Variants in GALNT16 observed in about 807,000 individuals in gnomAD.
GALNT16 encodes polypeptide N-acetylgalactosaminyltransferase 16.
GALNT16 carries 40 observed loss-of-function variants against 76.1 expected under a neutral mutation model. The observed-to-expected ratio is 0.53, with a 90% CI of 0.41 to 0.68. GALNT16 has a LOEUF of 0.68. Among genes scored for constraint, GALNT16 ranks in the 30% least tolerant of loss-of-function variants. GALNT16 has a pLI of 0.00. For synonymous variants in GALNT16, 276 were observed against 285.2 expected (o/e 0.97, Z 0.32); for missense variants, 621 against 731.9 (o/e 0.85, Z 1.75).
chr14:69,348,131 G>C, intron 14 of GALNT16, 129 bp downstream of exon 14: 1 of 887,406 alleles, frequency 1.1e-6, no homozygotes, highest in Non-Finnish European at 1.8e-6. Context: ...TGTGGGGAGG[G>C]GGAGCAAAGT....
intron 1 of GALNT16, among the ~76,000 whole-genome samples, chr14:69,280,435 A>G (rs371572386): frequency 5.3e-5 from 8 of 152,258 alleles, no homozygotes; most frequent in African/African-American, 1.9e-4. Context: ...TTGTTTATCC[A>G]TTCATCCATC....
intron 12 of GALNT16, among the ~76,000 whole-genome samples, chr14:69,345,777 G>A (rs1409536618): frequency 6.8e-6 from 1 of 145,998 alleles, no homozygotes; most frequent in African/African-American, 2.5e-5. Flanking sequence ...GGCATATAAA[G>A]TGTTTTAATA....
At chr14:69,303,863 TCAG>T (rs2044889786) in intron 1 of GALNT16, among the ~76,000 whole-genome samples, 1 of 152,186 alleles carries the variant, frequency 6.6e-6, no homozygotes, top group Admixed American at 6.5e-5. Context: ...GTATAATTAT[TCAG>T]CAAGATAAAT....
chr14:69,343,861 G>C (rs1228281811), intron 12 of GALNT16, among the ~76,000 whole-genome samples: 1 of 152,226 alleles, frequency 6.6e-6, no homozygotes, highest in African/African-American at 2.4e-5. Context: ...CGATCACAAG[G>C]CAGGAGAGTA....
chr14:69,348,496 C>T (rs909695339), intron 14 of GALNT16: 4 of 178,726 alleles, frequency 2.2e-5, no homozygotes, highest in African/African-American at 9.5e-5. Context: ...GATTCAAACC[C>T]AGGTCAGTGA....
At chr14:69,383,611 C>T in the GALNT16 span, among the ~76,000 whole-genome samples, 1 of 152,158 alleles carries the variant, frequency 6.6e-6, no homozygotes, top group Non-Finnish European at 1.5e-5. Flanking sequence ...AAATTTTCAA[C>T]ATTAGAAACA....
At chr14:69,350,004 G>C (rs2045612821) in intron 14 of GALNT16, 1 of 152,188 alleles carries the variant, frequency 6.6e-6, no homozygotes, top group Non-Finnish European at 1.5e-5. Context: ...ATGAGGTCAG[G>C]AGTTCGAGAC....
chr14:69,323,003 T>G (rs866117770), intron 2 of GALNT16, among the ~76,000 whole-genome samples: 1 of 30,516 alleles, frequency 3.3e-5, no homozygotes, highest in African/African-American at 3.2e-4. Flanking sequence ...CGCGCACGCA[T>G]GCACACGTGT....
intron 1 of GALNT16, among the ~76,000 whole-genome samples, chr14:69,320,216 C>T (rs976407085): frequency 8.5e-5 from 13 of 152,186 alleles, no homozygotes; most frequent in African/African-American, 2.9e-4. Context: ...TCTTGATGGC[C>T]GGGCGCGGTG....
intron 1 of GALNT16, among the ~76,000 whole-genome samples, chr14:69,315,446 C>G (rs1400510505): frequency 2.0e-5 from 3 of 152,220 alleles, no homozygotes; most frequent in Admixed American, 2.0e-4. Context: ...CAGCCTGTCA[C>G]TCACCATCTC....
At chr14:69,298,878 C>A (rs890797802) in intron 1 of GALNT16, among the ~76,000 whole-genome samples, 7 of 152,176 alleles carry the variant, frequency 4.6e-5, no homozygotes, top group African/African-American at 1.7e-4. Flanking sequence ...AGAGGTAGGC[C>A]CAGCCAAGAG....
chr14:69,330,948 G>C (rs1396834419), intron 6 of GALNT16, among the ~76,000 whole-genome samples: 1 of 152,182 alleles, frequency 6.6e-6, no homozygotes, highest in Non-Finnish European at 1.5e-5. Flanking sequence ...ATAGCACCCA[G>C]ATTACATGGG....
chr14:69,333,606 T>C lies in GALNT16; in HGVS notation c.967+6T>C. Reference sequence around the variant, plus strand: ...CTGGGGGGGAGAGAATTTTGGTGAGTTGGGAAATAGTGACAGTGAAAATAA... The same window carrying C: ...CTGGGGGGGAGAGAATTTTGGTGAGCTGGGAAATAGTGACAGTGAAAATAA... On this transcript the variant is annotated splice_donor_region_variant and intron_variant, in intron 9 of 14. Coordinates refer to ENST00000448469, the MANE Select transcript of GALNT16 (RefSeq NM_001168368.2). This position sits in a 1 kb window ranked among gnomAD's most constrained non-coding sequence, Gnocchi z 4.2. 1.4e-6 allele frequency: 2 copies of C among 1,422,712 alleles called. No homozygotes were observed. Among genetic ancestry groups the C allele is most frequent in the Non-Finnish European group, 2.0e-6 (2 of 1,013,218 alleles). 88.1% of individuals were successfully genotyped at this position (1,422,712 alleles called of 1,614,324 possible).
chr14:69,356,048 C>CA (rs1212993470), downstream of GALNT16: 1 of 152,246 alleles, frequency 6.6e-6, no homozygotes, highest in African/African-American at 2.4e-5. Context: ...ACAATGTTCT[C>CA]AGTGTGTTTG....
the GALNT16 span, among the ~76,000 whole-genome samples, chr14:69,384,309 A>G: frequency 6.6e-6 from 1 of 152,224 alleles, no homozygotes; most frequent in East Asian, 1.9e-4. Flanking sequence ...CAAGCACTTG[A>G]TCCTCACAAG....
At chr14:69,279,780 C>T (rs1190861981) in intron 1 of GALNT16, among the ~76,000 whole-genome samples, 1 of 152,190 alleles carries the variant, frequency 6.6e-6, no homozygotes, top group Admixed American at 6.5e-5. Context: ...CGTAGTAACC[C>T]CAATTCCATC....
chr14:69,313,046 C>T (rs970849734), intron 1 of GALNT16, among the ~76,000 whole-genome samples: 14 of 152,216 alleles, frequency 9.2e-5, no homozygotes, highest in Admixed American at 7.2e-4. Context: ...TCAGTTTCCA[C>T]CTCTGTAAAA....
At chr14:69,327,666 G>T (rs1438860880) in intron 5 of GALNT16, among the ~76,000 whole-genome samples, 5 of 152,186 alleles carry the variant, frequency 3.3e-5, no homozygotes, top group Admixed American at 2.0e-4. Flanking sequence ...TGTCTCCAAG[G>T]AGCTGCTTAT....
chr14:69,324,451 C>A (rs1311428706), intron 2 of GALNT16, among the ~76,000 whole-genome samples: 1 of 152,176 alleles, frequency 6.6e-6, no homozygotes, highest in South Asian at 2.1e-4. Flanking sequence ...AGCCCCCAGG[C>A]CTTGGAAGGT....
Sources: allele counts gnomAD v4.1 joint callset (sites outside exome capture counted in the v4.1 genomes callset), GRCh38; gene constraint gnomAD v4.1.1; non-coding constraint Gnocchi (gnomAD v3.1); transcripts MANE v1.5; gene names NCBI Gene and HGNC (gene_info 2026-07-23, HGNC 2026-07-21).